The following GPC5 variants were observed in gnomAD, a reference collection of about 807,000 sequenced individuals.
The protein encoded by GPC5 is glypican-5.
GPC5 carries 47 observed loss-of-function variants against 53.9 expected under a neutral mutation model. The observed-to-expected ratio is 0.87, with a 90% CI of 0.69 to 1.11. The LOEUF is 1.11. Among genes scored for constraint, GPC5 ranks in the 50% most tolerant of loss-of-function variants. The pLI, the probability that GPC5 is intolerant of heterozygous loss-of-function variation, is 0.00. For synonymous variants in GPC5, 286 were observed against 263.3 expected (o/e 1.09, Z -0.84); for missense variants, 748 against 713.1 (o/e 1.05, Z -0.56).
chr13:92,116,826 G>A (rs1211459292), intron 6 of GPC5, among the ~76,000 whole-genome samples: 1 of 152,034 alleles, frequency 6.6e-6, no homozygotes, highest in Non-Finnish European at 1.5e-5. Flanking sequence ...TTTGTTGTGT[G>A]CTTATCTATT....
intron 5 of GPC5, among the ~76,000 whole-genome samples, chr13:91,834,480 A>C (rs1415325706): frequency 6.6e-6 from 1 of 152,158 alleles, no homozygotes; most frequent in Non-Finnish European, 1.5e-5. Flanking sequence ...GCATCACACT[A>C]CCTGACTTCA....
At chr13:91,605,357 C>G (rs74794913) in intron 2 of GPC5, among the ~76,000 whole-genome samples, 1 of 139,776 alleles carries the variant, frequency 7.2e-6, no homozygotes, top group African/African-American at 2.7e-5. Context: ...GTTACTGTAG[C>G]CTTGTAGTAT....
intron 7 of GPC5, among the ~76,000 whole-genome samples, chr13:92,851,678 G>A (rs1185345380): frequency 5.3e-5 from 8 of 150,808 alleles, no homozygotes; most frequent in African/African-American, 1.5e-4. Context: ...TCAGGAGATT[G>A]AGACCATCCT....
chr13:91,798,863 A>G (rs894040931), intron 5 of GPC5, among the ~76,000 whole-genome samples: 8 of 152,052 alleles, frequency 5.3e-5, no homozygotes, highest in Admixed American at 4.6e-4. Flanking sequence ...TCTCTCTGCA[A>G]CCTCGCTAGC....
chr13:92,856,523 T>C (rs1879004573), intron 7 of GPC5, among the ~76,000 whole-genome samples: 1 of 152,012 alleles, frequency 6.6e-6, no homozygotes, highest in African/African-American at 2.4e-5. Flanking sequence ...GGTATCCAAA[T>C]AGGAAATGAG....
chr13:91,937,565 A>G (rs1391875217), intron 6 of GPC5, among the ~76,000 whole-genome samples: 1 of 152,080 alleles, frequency 6.6e-6, no homozygotes, highest in Non-Finnish European at 1.5e-5. Flanking sequence ...TGAAGCTTGC[A>G]GATACTGTTT....
At chr13:92,738,044 A>T (rs866174013) in intron 7 of GPC5, among the ~76,000 whole-genome samples, 1 of 151,932 alleles carries the variant, frequency 6.6e-6, no homozygotes, top group African/African-American at 2.4e-5. Context: ...GATTACAGGC[A>T]TGAGCCACTG....
intron 7 of GPC5, among the ~76,000 whole-genome samples, chr13:92,197,890 C>G (rs988891962): frequency 6.6e-6 from 1 of 152,034 alleles, no homozygotes; most frequent in African/African-American, 2.4e-5. Context: ...CTACTTCCAC[C>G]TCTACCACTC....
intron 7 of GPC5, among the ~76,000 whole-genome samples, chr13:92,660,051 A>C (rs1401781855): frequency 6.6e-6 from 1 of 152,170 alleles, no homozygotes; most frequent in Non-Finnish European, 1.5e-5. Context: ...CATTGAAGGA[A>C]TACTAACTAC....
intron 7 of GPC5, among the ~76,000 whole-genome samples, chr13:92,520,476 T>C (rs887077550): frequency 1.3e-5 from 2 of 152,092 alleles, no homozygotes; most frequent in African/African-American, 4.8e-5. Context: ...TGCTTCAACA[T>C]ACACAAATCA....
chr13:91,410,610 A>T (rs544804278), intron 1 of GPC5, among the ~76,000 whole-genome samples: 54 of 151,824 alleles, frequency 3.6e-4, no homozygotes, highest in South Asian at 1.5e-3. Context: ...CCTCCCAAAG[A>T]GCTGGGATTA....
intron 7 of GPC5, among the ~76,000 whole-genome samples, chr13:92,698,970 C>T (rs7491547): frequency 0.54 from 82,646 of 151,910 alleles, 23,319 homozygotes; most frequent in East Asian, 0.84. Flanking sequence ...TTAGGGATAG[C>T]TGTTGTTTAG....
chr13:92,613,544 T>C (rs1191722982), intron 7 of GPC5, among the ~76,000 whole-genome samples: 1 of 127,256 alleles, frequency 7.9e-6, no homozygotes, highest in African/African-American at 3.0e-5. Context: ...TAAAATATAA[T>C]ATATAATTTA....
At chr13:92,378,861 C>G (rs935757285) in intron 7 of GPC5, among the ~76,000 whole-genome samples, 1 of 152,102 alleles carries the variant, frequency 6.6e-6, no homozygotes, top group African/African-American at 2.4e-5. Flanking sequence ...CCTTACCTTG[C>G]TTTGACTTCT....
At chr13:92,158,693 C>A in intron 7 of GPC5, among the ~76,000 whole-genome samples, 1 of 151,198 alleles carries the variant, frequency 6.6e-6, no homozygotes, top group Non-Finnish European at 1.5e-5. Flanking sequence ...ACATCTCTTG[C>A]CCAATTGGTC....
chr13:92,281,624 C>A (rs1016023930), intron 7 of GPC5, among the ~76,000 whole-genome samples: 7 of 152,306 alleles, frequency 4.6e-5, no homozygotes, highest in Admixed American at 3.9e-4. Flanking sequence ...GCTGCTGATA[C>A]CCAGGCAAAC....
rs539183659 is a variant in GPC5, at chr13:91,950,844, G to C, written c.1401+42787G>C. Among the ~76,000 whole-genome samples, 17 of 152,246 alleles carry C rather than the reference G, an allele frequency of 1.1e-4. No individual in the cohort carries two copies. The South Asian group carries it at 3.5e-3, about 32-fold the overall frequency. ...TAAGAAATTGACATTGGGGCACAAA[G>C]AGGTTTAGAAACTAGCTCAAGATCG... On this transcript the variant is annotated intron_variant, in intron 6 of 7. Transcript: ENST00000377067.
rs113975523 is a variant in GPC5, at chr13:92,681,518, G to A, written c.1562-184764G>A. Among the ~76,000 whole-genome samples the A allele has an allele frequency of 4.0e-3, 604 of 151,988 alleles. 2 individuals carry two copies. Among genetic ancestry groups the A allele is most frequent in the Admixed American group, 9.8e-3 (150 of 15,256 alleles). On this transcript the variant is annotated intron_variant, in intron 7 of 7. Coordinates refer to ENST00000377067, the MANE Select transcript of GPC5 (RefSeq NM_004466.6). ...CCCACCTGTAATCCAGCCTCTACAC[G>A]ACTATCAGGGCTGTGGTTCTGAAAA...
Position 91,648,352 on chromosome 13 carries a change from AG to A in GPC5, c.326-44834del, listed in dbSNP as rs576043481. ...AATGATACTGTTTTTAATTGTATTA[AG>A]ACAGGTTTTTTTTTTCCTGGAGTGG... On this transcript the variant is annotated intron_variant, in intron 2 of 7. Transcript: ENST00000377067. Among the ~76,000 whole-genome samples, 460 of 150,672 alleles carry A rather than the reference AG, an allele frequency of 3.1e-3. 1 individual carries two copies. The highest frequency in any genetic ancestry group is 0.017 in the Middle Eastern group (5 of 292).
Sources: gnomAD v4.1 joint callset for allele counts (sites outside exome capture counted in the v4.1 genomes callset) on GRCh38, gnomAD v4.1.1 for gene constraint, MANE v1.5 for transcripts, NCBI Gene and HGNC (gene_info 2026-07-23, HGNC 2026-07-21) for gene names.